Variants in TRIM49C observed in about 807,000 individuals in gnomAD.
TRIM49C encodes the protein tripartite motif containing 49C, also known as tripartite motif-containing protein 49C.
Under a neutral mutation model 21.4 loss-of-function variants are expected in TRIM49C, and 6 were observed. The ratio of observed to expected loss-of-function variants is 0.28; its 90% CI spans 0.15 to 0.55. The LOEUF (loss-of-function observed/expected upper bound fraction) is 0.55, where lower values mean the gene tolerates loss of function less well. TRIM49C is among the 20% of genes least tolerant of loss of function. The pLI, the probability that TRIM49C is intolerant of heterozygous loss-of-function variation, is 0.94. For missense variants in TRIM49C, 161 were observed against 442.4 expected (o/e 0.36, Z 5.71); for synonymous variants, 57 against 148.1 (o/e 0.38, Z 4.47).
the TRIM49C span, among the ~76,000 whole-genome samples, chr11:90,054,892 A>T: frequency 6.9e-6 from 1 of 145,882 alleles, no homozygotes; most frequent in South Asian, 2.2e-4. Context: ...TGCAAAGTGA[A>T]TCTGAGCTAA....
chr11:90,049,147 G>A, the TRIM49C span, among the ~76,000 whole-genome samples: 1 of 123,292 alleles, frequency 8.1e-6, no homozygotes. Flanking sequence ...AGAGGGGTAA[G>A]TGGCCGTGTG....
At chr11:90,045,760 C>G (rs923530171), downstream of TRIM49C, among the ~76,000 whole-genome samples, 11 of 115,232 alleles carry the variant, frequency 9.5e-5, 3 homozygotes, top group Non-Finnish European at 1.7e-4. Context: ...AATTGAATAC[C>G]CTTTATTTCT....
At chr11:90,049,379 G>A in the TRIM49C span, among the ~76,000 whole-genome samples, 5 of 75,650 alleles carry the variant, frequency 6.6e-5, 1 homozygote, top group African/African-American at 3.0e-4. Flanking sequence ...AGGCAGGCAG[G>A]CCTCCTTGAG....
At chr11:90,031,777 A>G (rs1276741232) in intron 1 of TRIM49C, among the ~76,000 whole-genome samples, 25 of 148,820 alleles carry the variant, frequency 1.7e-4, no homozygotes, top group Non-Finnish European at 3.3e-4. Flanking sequence ...ACAGAAAACA[A>G]AAAGGAAAGT....
chr11:90,047,029 G>A, the TRIM49C span, among the ~76,000 whole-genome samples: 3 of 122,416 alleles, frequency 2.5e-5, no homozygotes, highest in South Asian at 3.1e-4. Flanking sequence ...TTATGTACCC[G>A]GTAGTCATTC....
chr11:90,065,973 G>T, the TRIM49C span, among the ~76,000 whole-genome samples: 30 of 135,968 alleles, frequency 2.2e-4, no homozygotes, highest in African/African-American at 7.9e-4. Context: ...AAAAAAAAAA[G>T]AAATATTTTA....
the TRIM49C span, among the ~76,000 whole-genome samples, chr11:90,066,965 A>G: frequency 7.3e-6 from 1 of 137,364 alleles, no homozygotes; most frequent in Non-Finnish European, 1.6e-5. Context: ...GTAAGGTTTC[A>G]CTGAGTTGGC....
the TRIM49C span, among the ~76,000 whole-genome samples, chr11:90,065,114 G>GA: frequency 7.4e-6 from 1 of 134,768 alleles, no homozygotes; most frequent in Non-Finnish European, 1.6e-5. Context: ...TCACACTTAA[G>GA]AAAAATCTAA....
rs1429916965 is a variant in TRIM49C at position 90,033,923 on chromosome 11, G to A, written c.-4-1285G>A. ...ATCACGCCACTGCATTTCAGCCTGCGTGACAGAAGGATACTCTGTCTCAAA... is the reference window on the plus strand; with the variant it reads ...ATCACGCCACTGCATTTCAGCCTGCATGACAGAAGGATACTCTGTCTCAAA... On this transcript the variant is annotated intron_variant, in intron 2 of 7. Coordinates refer to ENST00000448984, the MANE Select transcript of TRIM49C (RefSeq NM_001195234.1). 3.3e-5 allele frequency among the ~76,000 whole-genome samples: 4 copies of A among 120,904 alleles called. 1 individual carries two copies. Among genetic ancestry groups the A allele is most frequent in the South Asian group, 6.0e-4 (2 of 3,356 alleles). 79.3% of individuals were successfully genotyped at this position (120,904 alleles called of 152,430 possible).
chr11:90,057,332 CA>C, the TRIM49C span, among the ~76,000 whole-genome samples: 2 of 91,992 alleles, frequency 2.2e-5, no homozygotes, highest in Non-Finnish European at 4.0e-5. Context: ...TACATTAGAA[CA>C]TGACTTTCAC....
the TRIM49C span, chr11:90,057,904 A>G: frequency 6.6e-7 from 1 of 1,512,390 alleles, no homozygotes; most frequent in Non-Finnish European, 8.9e-7. Flanking sequence ...ATCCAGTTGG[A>G]GGAGAGGGTC....
chr11:90,036,552 A>G (rs1295026503), intron 4 of TRIM49C, among the ~76,000 whole-genome samples: 1 of 128,824 alleles, frequency 7.8e-6, no homozygotes, highest in African/African-American at 2.7e-5. Flanking sequence ...ACATGTAAAC[A>G]TGCCAGAAAT....
At chr11:90,056,021 C>A in the TRIM49C span, among the ~76,000 whole-genome samples, 1 of 127,086 alleles carries the variant, frequency 7.9e-6, no homozygotes, top group Non-Finnish European at 1.7e-5. Flanking sequence ...TGCAGTGGCA[C>A]AATCTTGGCT....
At chr11:90,067,308 G>T in the TRIM49C span, among the ~76,000 whole-genome samples, 3 of 139,366 alleles carry the variant, frequency 2.2e-5, 1 homozygote, top group South Asian at 2.4e-4. Flanking sequence ...TAGCAAAAGG[G>T]TTCCATCTAA....
At chr11:90,048,431 A>C in the TRIM49C span, among the ~76,000 whole-genome samples, 1 of 122,318 alleles carries the variant, frequency 8.2e-6, no homozygotes, top group South Asian at 3.1e-4. Flanking sequence ...GTCTTTTCAC[A>C]TTGTCCCATA....
chr11:90,041,291 A>G lies in TRIM49C; in HGVS notation c.1100A>G (p.Gln367Arg). The change falls in exon 8 of 8, where the codon CAG (glutamine) becomes CGG (arginine). Residue 367 changes from glutamine (Q) to arginine (R), a missense_variant. Gln to Arg is a conservative substitution (Grantham distance 43). This residue lies in a region of TRIM49C where 63 missense variants were observed against 67.6 expected (regional missense o/e 0.93). Coordinates refer to ENST00000448984, the MANE Select transcript of TRIM49C (RefSeq NM_001195234.1). The part of the protein sequence containing the change: ...VCNMYRKEKN[Q>R]NEKIDGKEGL... ...AATATGTATCGGAAGGAGAAGAATCAGAATGAGAAGATAGATGGAAAGGAG... is the reference window on the plus strand; with the variant it reads ...AATATGTATCGGAAGGAGAAGAATCGGAATGAGAAGATAGATGGAAAGGAG... The G allele has an allele frequency of 6.3e-7, 1 of 1,589,346 alleles. No homozygotes were observed. Among genetic ancestry groups the G allele is most frequent in the Non-Finnish European group, 8.6e-7 (1 of 1,164,708 alleles).
At chr11:90,049,053 T>C in the TRIM49C span, among the ~76,000 whole-genome samples, 5 of 126,764 alleles carry the variant, frequency 3.9e-5, 1 homozygote, top group African/African-American at 1.6e-4. Context: ...TTTGCCTGGG[T>C]ATCAGCAGCA....
At chr11:90,034,333 C>A (rs1950709921) in intron 2 of TRIM49C, among the ~76,000 whole-genome samples, 1 of 110,582 alleles carries the variant, frequency 9.0e-6, no homozygotes, top group Non-Finnish European at 1.7e-5. Flanking sequence ...GACTCACCCA[C>A]AAACAATGCT....
chr11:90,033,362 CAT>C (rs1950700352), intron 2 of TRIM49C, among the ~76,000 whole-genome samples: 2 of 134,336 alleles, frequency 1.5e-5, no homozygotes, highest in African/African-American at 5.3e-5. Context: ...AGGATGTATA[CAT>C]ATATGTGTGC....
Sources: gnomAD v4.1 joint callset for allele counts (sites outside exome capture counted in the v4.1 genomes callset) on GRCh38, gnomAD v4.1.1 for gene constraint, gnomAD v4.1.1 regional missense constraint, MANE v1.5 for transcripts, NCBI Gene and HGNC (gene_info 2026-07-23, HGNC 2026-07-21) for gene names.